Variants in GPC6 observed in about 807,000 individuals in gnomAD.
GPC6 encodes the protein glypican 6.
GPC6 carries 14 observed loss-of-function variants against 55.2 expected under a neutral mutation model. The ratio of observed to expected loss-of-function variants is 0.25; its 90% CI spans 0.17 to 0.40. The LOEUF is 0.40. Among genes scored for constraint, GPC6 ranks in the 10% least tolerant of loss-of-function variants. The pLI is 1.00. For missense variants in GPC6, 641 were observed against 708.5 expected, an observed-to-expected ratio of 0.90 and a Z score of 1.08; for synonymous variants, 278 against 259.6, an observed-to-expected ratio of 1.07 and a Z score of -0.68.
chr13:94,049,299 C>T (rs1244618392), intron 4 of GPC6, among the ~76,000 whole-genome samples: 1 of 151,818 alleles, frequency 6.6e-6, no homozygotes, highest in Non-Finnish European at 1.5e-5. Flanking sequence ...CTCCTCCCTC[C>T]TCCCCAACCC....
At chr13:94,087,784 C>T (rs1885340894) in intron 4 of GPC6, among the ~76,000 whole-genome samples, 1 of 152,208 alleles carries the variant, frequency 6.6e-6, no homozygotes, top group Non-Finnish European at 1.5e-5. Context: ...GTAACGACAT[C>T]ATAGTCATCT....
At chr13:94,328,104 A>G (rs1307087144) in intron 6 of GPC6, among the ~76,000 whole-genome samples, 1 of 152,198 alleles carries the variant, frequency 6.6e-6, no homozygotes, top group East Asian at 1.9e-4. Flanking sequence ...TTAGACCAGC[A>G]TTCGGAATAT....
chr13:93,799,118 G>A (rs184179078), intron 2 of GPC6, among the ~76,000 whole-genome samples: 4 of 152,118 alleles, frequency 2.6e-5, no homozygotes, highest in Admixed American at 6.5e-5. Context: ...CACATTCACC[G>A]TGTAATCAAG....
rs570266466 is a variant in GPC6, at chr13:94,329,275, C to G, written c.1152+23152C>G. 5.8e-4 allele frequency among the ~76,000 whole-genome samples: 88 copies of G among 152,294 alleles called. 1 individual carries two copies. The highest frequency in any genetic ancestry group is 3.5e-3 in the South Asian group (17 of 4,830). On this transcript the variant is annotated intron_variant, in intron 6 of 8. Transcript: ENST00000377047. ...GCTCCTGAAAACATTTGGCAAAACG[C>G]TGGGTTCTCCCTGCATGTTCAACGT... is the stretch of plus-strand genomic sequence containing the variant.
intron 2 of GPC6, chr13:93,818,572 C>T (rs751108678): frequency 7.9e-5 from 12 of 152,132 alleles, no homozygotes; most frequent in African/African-American, 2.7e-4. Flanking sequence ...CTTCCCGCAT[C>T]GTGGGACAAG....
At chr13:93,538,573 A>C (rs1288331401) in intron 1 of GPC6, among the ~76,000 whole-genome samples, 1 of 152,204 alleles carries the variant, frequency 6.6e-6, no homozygotes, top group Non-Finnish European at 1.5e-5. Context: ...TAACTTTCTT[A>C]AGGTGATTGA....
intron 4 of GPC6, among the ~76,000 whole-genome samples, chr13:94,055,453 T>C (rs1332048636): frequency 6.6e-6 from 1 of 152,132 alleles, no homozygotes; most frequent in African/African-American, 2.4e-5. Context: ...AAAATTTAAA[T>C]GTAAATCTAC....
rs562955302 is a variant in GPC6, at chr13:93,566,796, G to A, written c.319+21375G>A. Among the ~76,000 whole-genome samples the A allele has an allele frequency of 3.3e-5, 5 of 152,092 alleles. No homozygotes were observed. In the South Asian group the frequency reaches 8.3e-4, roughly 25 times the overall value. On this transcript the variant is annotated intron_variant, in intron 2 of 8. Transcript: ENST00000377047. The stretch of plus-strand genomic sequence containing the variant: ...GTTCTCATTGTTCAACTCCCAGTTA[G>A]GAGTGAGAACATGTACTGTTTGGTT...
At position 93,451,727 on chromosome 13, in the gene GPC6, C is replaced by T. The variant is rs536357351; in HGVS notation, c.161-93536C>T. ...TGTCTCATTCTCGAATTTGATGATGCTAAATTTAAAACAAAATTCTTTTTA... is the reference window on the plus strand; with the variant it reads ...TGTCTCATTCTCGAATTTGATGATGTTAAATTTAAAACAAAATTCTTTTTA... On this transcript the variant is annotated intron_variant, in intron 1 of 8. Coordinates refer to ENST00000377047, the MANE Select transcript of GPC6 (RefSeq NM_005708.5). Among the ~76,000 whole-genome samples, 49 of 152,296 alleles carry T rather than the reference C, an allele frequency of 3.2e-4. 3 individuals are homozygous for T. In the South Asian group the frequency reaches 1.0e-2, roughly 31 times the overall value.
chr13:93,865,180 C>T (rs2139030959), intron 3 of GPC6, among the ~76,000 whole-genome samples: 1 of 151,552 alleles, frequency 6.6e-6, no homozygotes, highest in South Asian at 2.1e-4. Flanking sequence ...ATGTACTGCC[C>T]CCAAATCCTC....
intron 3 of GPC6, among the ~76,000 whole-genome samples, chr13:93,930,623 C>CA (rs1878117779): frequency 6.6e-6 from 1 of 151,694 alleles, no homozygotes; most frequent in Admixed American, 6.6e-5. Flanking sequence ...CACATATTAC[C>CA]AAAAAAACCA....
intron 4 of GPC6, among the ~76,000 whole-genome samples, chr13:94,281,272 C>T (rs928391396): frequency 1.3e-5 from 2 of 152,220 alleles, no homozygotes; most frequent in South Asian, 2.1e-4. Flanking sequence ...TGGTGGTTTG[C>T]TGCACCTGTC....
chr13:93,733,522 A>T (rs923879156), intron 2 of GPC6, among the ~76,000 whole-genome samples: 4 of 150,502 alleles, frequency 2.7e-5, no homozygotes, highest in Non-Finnish European at 5.9e-5. Context: ...AATATATATA[A>T]ATATATAAAA....
chr13:93,962,915 T>A (rs1879853721), intron 3 of GPC6, among the ~76,000 whole-genome samples: 1 of 152,142 alleles, frequency 6.6e-6, no homozygotes, highest in Non-Finnish European at 1.5e-5. Flanking sequence ...AACTCTCAAA[T>A]ATTGTGTGAC....
intron 3 of GPC6, among the ~76,000 whole-genome samples, chr13:93,958,897 G>T (rs944421765): frequency 6.6e-6 from 1 of 151,838 alleles, no homozygotes; most frequent in Admixed American, 6.6e-5. Context: ...TCACTTCTTC[G>T]GTTAGCTGTA....
At chr13:94,025,139 A>G (rs980359633) in intron 3 of GPC6, among the ~76,000 whole-genome samples, 1 of 152,238 alleles carries the variant, frequency 6.6e-6, no homozygotes, top group Non-Finnish European at 1.5e-5. Flanking sequence ...GCATCATTTA[A>G]TACCAATGGT....
intron 3 of GPC6, among the ~76,000 whole-genome samples, chr13:93,964,360 A>C (rs1300955681): frequency 6.6e-6 from 1 of 152,192 alleles, no homozygotes; most frequent in African/African-American, 2.4e-5. Flanking sequence ...GTGTAAAAAA[A>C]GGCCGTAAAA....
rs144108213 is a variant in GPC6, at chr13:94,247,731, G to A, written c.878-38618G>A. Among the ~76,000 whole-genome samples the A allele has an allele frequency of 9.5e-4, 145 of 152,226 alleles. 1 individual carries two copies. The highest frequency in any genetic ancestry group is 3.3e-3 in the African/African-American group (137 of 41,562). ...AATCATGATGTATAATCATTTTGAT[G>A]TGCTGTTGAATTCAATTTCCTAATA... On this transcript the variant is annotated intron_variant, in intron 4 of 8. Coordinates refer to ENST00000377047, the MANE Select transcript of GPC6 (RefSeq NM_005708.5).
At chr13:94,110,526 A>C (rs1287292116) in intron 4 of GPC6, among the ~76,000 whole-genome samples, 1 of 152,102 alleles carries the variant, frequency 6.6e-6, no homozygotes, top group East Asian at 1.9e-4. Context: ...GCAAAAATTC[A>C]TAAGGGAGTG....
Sources: allele counts gnomAD v4.1 joint callset (sites outside exome capture counted in the v4.1 genomes callset), GRCh38; gene constraint gnomAD v4.1.1; transcripts MANE v1.5; gene names NCBI Gene and HGNC (gene_info 2026-07-23, HGNC 2026-07-21).